Variants in AUTS2 observed in about 807,000 individuals in gnomAD.
AUTS2 encodes autism susceptibility gene 2 protein.
AUTS2 carries 17 observed loss-of-function variants against 112.4 expected under a neutral mutation model. That is an observed-to-expected ratio of 0.15 (90% CI 0.10 to 0.23). AUTS2 has a LOEUF of 0.23. Among genes scored for constraint, AUTS2 ranks in the 10% least tolerant of loss-of-function variants. AUTS2 has a pLI of 1.00. For missense variants in AUTS2, 1,510 were observed against 1,701.6 expected, an observed-to-expected ratio of 0.89 and a Z score of 1.98; for synonymous variants, 751 against 702.7, an observed-to-expected ratio of 1.07 and a Z score of -1.09.
intron 5 of AUTS2, among the ~76,000 whole-genome samples, chr7:70,486,905 C>G (rs545784458): frequency 8.4e-6 from 1 of 118,502 alleles, no homozygotes; most frequent in Admixed American, 7.9e-5. Flanking sequence ...ATTCCCCCCC[C>G]CCCAAAAAAA....
chr7:69,801,435 A>G (rs1218735026), intron 1 of AUTS2, among the ~76,000 whole-genome samples: 6 of 150,348 alleles, frequency 4.0e-5, no homozygotes, highest in Non-Finnish European at 8.9e-5. Flanking sequence ...ATATATACAT[A>G]TATATGTATG....
At chr7:70,285,352 C>T (rs1011943252) in intron 4 of AUTS2, among the ~76,000 whole-genome samples, 1 of 152,202 alleles carries the variant, frequency 6.6e-6, no homozygotes, top group African/African-American at 2.4e-5. Flanking sequence ...GCCCAGCCCT[C>T]ATGCTGCCTC....
chr7:70,640,421 G>GAAAAAAAAAAAAA (rs57911940), intron 5 of AUTS2, among the ~76,000 whole-genome samples: 4 of 93,616 alleles, frequency 4.3e-5, no homozygotes, highest in African/African-American at 4.3e-5. Context: ...CTCACAGGGG[G>GAAAAAAAAAAAAA]AAAAAAAAAA....
intron 4 of AUTS2, among the ~76,000 whole-genome samples, chr7:70,366,689 T>C (rs1792584608): frequency 6.6e-6 from 1 of 152,116 alleles, no homozygotes; most frequent in South Asian, 2.1e-4. Context: ...TAGTGACATT[T>C]GAGAAGAAGG....
Position 70,762,937 on chromosome 7 carries a change from G to A in AUTS2, c.810G>A (p.Lys270=). ...DSQDAGPIVP[K]ISGLERSQEK... ...AGGATGCAGGGCCGATTGTCCCCAA[G>A]ATATCGGGTCTAGAGAGAAGCCAGG... Residue 270 remains lysine (K), a synonymous_variant, in exon 7 of 19, where the codon AAG becomes AAA. Coordinates refer to ENST00000342771, the MANE Select transcript of AUTS2 (RefSeq NM_015570.4). 6.2e-7 allele frequency: 1 copy of A among 1,614,160 alleles called. No individual in the cohort carries two copies. The highest frequency in any genetic ancestry group is 8.5e-7 in the Non-Finnish European group (1 of 1,180,030).
intron 2 of AUTS2, among the ~76,000 whole-genome samples, chr7:70,081,011 T>A (rs1195683600): frequency 6.6e-6 from 1 of 152,146 alleles, no homozygotes; most frequent in African/African-American, 2.4e-5. Context: ...GCAGGCAATT[T>A]AGTTATCCAA....
intron 1 of AUTS2, among the ~76,000 whole-genome samples, chr7:69,785,312 A>C (rs1789319679): frequency 6.6e-6 from 1 of 152,212 alleles, no homozygotes; most frequent in South Asian, 2.1e-4. Flanking sequence ...ATTAGAGTTC[A>C]CCATCACAGT....
chr7:69,683,719 G>A (rs951229890), intron 1 of AUTS2, among the ~76,000 whole-genome samples: 1 of 151,922 alleles, frequency 6.6e-6, no homozygotes, highest in East Asian at 1.9e-4. Flanking sequence ...CTGTTACATA[G>A]TGAAACCCTG....
intron 1 of AUTS2, among the ~76,000 whole-genome samples, chr7:69,820,137 G>A (rs990093584): frequency 1.1e-4 from 17 of 152,138 alleles, no homozygotes; most frequent in Admixed American, 6.5e-5. Context: ...GATAAAGAGC[G>A]GCTCCCACAG....
intron 4 of AUTS2, among the ~76,000 whole-genome samples, chr7:70,261,479 G>A (rs1787167666): frequency 6.6e-6 from 1 of 152,062 alleles, no homozygotes; most frequent in Non-Finnish European, 1.5e-5. Context: ...TCTTTTATGT[G>A]TATTATACCT....
intron 2 of AUTS2, among the ~76,000 whole-genome samples, chr7:70,010,770 C>G (rs1044816046): frequency 1.3e-5 from 2 of 152,124 alleles, no homozygotes; most frequent in Non-Finnish European, 2.9e-5. Context: ...AAATTATACC[C>G]AAACTAGATA....
chr7:70,594,866 C>T (rs1336730520), intron 5 of AUTS2, among the ~76,000 whole-genome samples: 2 of 152,246 alleles, frequency 1.3e-5, no homozygotes, highest in Admixed American at 6.5e-5. Flanking sequence ...CTTTGGAAGG[C>T]CGAGGCGGGT....
chr7:70,662,815 G>C (rs1017098901), intron 5 of AUTS2, among the ~76,000 whole-genome samples: 3 of 152,186 alleles, frequency 2.0e-5, no homozygotes, highest in African/African-American at 7.2e-5. Context: ...TGGTGGGAAA[G>C]AAGTCTTGCT....
chr7:69,679,663 A>C (rs1220879920), intron 1 of AUTS2, among the ~76,000 whole-genome samples: 3 of 152,238 alleles, frequency 2.0e-5, no homozygotes, highest in African/African-American at 7.2e-5. Flanking sequence ...CATTTGGAAG[A>C]AATCAGGAAA....
At chr7:70,741,693 AAAAAAAAAAAGAAAG>A (rs1434801743) in intron 6 of AUTS2, among the ~76,000 whole-genome samples, 1 of 148,406 alleles carries the variant, frequency 6.7e-6, no homozygotes, top group Non-Finnish European at 1.5e-5. Context: ...CTCTATCTCA[AAAAAAAAAAAGAAAG>A]AAAAAAAAAA....
chr7:70,785,814 C>G, intron 16 of AUTS2, 141 bp from the exon 17 acceptor site: 1 of 693,012 alleles, frequency 1.4e-6, no homozygotes, highest in Non-Finnish European at 2.5e-6. Context: ...ACCTTTTACA[C>G]CATCTGGTAG....
chr7:69,771,581 G>A (rs1331748191), intron 1 of AUTS2, among the ~76,000 whole-genome samples: 1 of 152,168 alleles, frequency 6.6e-6, no homozygotes, highest in East Asian at 1.9e-4. Flanking sequence ...CTAGTTCCGT[G>A]TGGCAAAGGG....
chr7:70,306,806 A>G lies in AUTS2; in HGVS notation c.661-128946A>G, dbSNP rs1274520376. On this transcript the variant is annotated intron_variant, in intron 4 of 18. Coordinates refer to ENST00000342771, the MANE Select transcript of AUTS2 (RefSeq NM_015570.4). ...CCGTAATCGCTGGAGGTTTGATTAG[A>G]TATTGAGAAAGAAATCTGCAAACCT... is the stretch of plus-strand genomic sequence containing the variant. 5.3e-5 allele frequency among the ~76,000 whole-genome samples: 8 copies of G among 152,338 alleles called. No individual in the cohort carries two copies. In the East Asian group the frequency reaches 5.8e-4, roughly 11 times the overall value.
chr7:69,885,418 A>T (rs2129538299), intron 1 of AUTS2, among the ~76,000 whole-genome samples: 1 of 152,254 alleles, frequency 6.6e-6, no homozygotes, highest in East Asian at 1.9e-4. Flanking sequence ...GACAATGTGA[A>T]TTTTTCAGAA....
Sources: allele counts gnomAD v4.1 joint callset (sites outside exome capture counted in the v4.1 genomes callset), GRCh38; gene constraint gnomAD v4.1.1; transcripts MANE v1.5; gene names NCBI Gene and HGNC (gene_info 2026-07-23, HGNC 2026-07-21).